Variants in SGCD observed in about 807,000 individuals in gnomAD.
SGCD encodes the protein sarcoglycan delta.
A neutral mutation model predicts 36.6 loss-of-function variants in SGCD; 18 were observed. The ratio of observed to expected loss-of-function variants is 0.49; its 90% CI spans 0.34 to 0.73. The LOEUF is 0.73. Among genes scored for constraint, SGCD ranks in the 30% least tolerant of loss-of-function variants. The pLI, the probability that SGCD is intolerant of heterozygous loss-of-function variation, is 0.01. For synonymous variants in SGCD, 133 were observed against 130.6 expected, an observed-to-expected ratio of 1.02 and a Z score of -0.12; for missense variants, 387 against 346.7, an observed-to-expected ratio of 1.12 and a Z score of -0.92.
the SGCD span, among the ~76,000 whole-genome samples, chr5:155,842,450 G>C: frequency 6.6e-6 from 1 of 151,998 alleles, no homozygotes; most frequent in African/African-American, 2.4e-5. Context: ...GTGCACACCT[G>C]TAATCCCAGC....
At chr5:156,128,061 A>G (rs1762223944) in intron 3 of SGCD, among the ~76,000 whole-genome samples, 1 of 152,118 alleles carries the variant, frequency 6.6e-6, no homozygotes, top group Non-Finnish European at 1.5e-5. Flanking sequence ...GATGGACCAC[A>G]GACTAGGAGA....
chr5:155,944,827 A>T (rs1401548688), intron 1 of SGCD, among the ~76,000 whole-genome samples: 1 of 152,084 alleles, frequency 6.6e-6, no homozygotes, highest in Non-Finnish European at 1.5e-5. Context: ...AACCTTTAGC[A>T]TATCTTTTTG....
At chr5:156,279,385 C>T (rs1415610801) in intron 3 of SGCD, among the ~76,000 whole-genome samples, 3 of 152,094 alleles carry the variant, frequency 2.0e-5, no homozygotes, top group Admixed American at 2.0e-4. Flanking sequence ...GTTAGCAAGC[C>T]TAACACTTAG....
chr5:155,978,164 T>A (rs557171609), intron 1 of SGCD, among the ~76,000 whole-genome samples: 1 of 152,350 alleles, frequency 6.6e-6, no homozygotes, highest in Non-Finnish European at 1.5e-5. Context: ...AAGACCAGAA[T>A]GTGGCATAGC....
chr5:156,313,667 A>T (rs1023452017), intron 3 of SGCD, among the ~76,000 whole-genome samples: 1 of 152,114 alleles, frequency 6.6e-6, no homozygotes, highest in Non-Finnish European at 1.5e-5. Context: ...GAGTCTTAAT[A>T]GCTGAAGGAG....
At chr5:156,727,141 G>T (rs777414432) in intron 7 of SGCD, among the ~76,000 whole-genome samples, 2 of 152,156 alleles carry the variant, frequency 1.3e-5, no homozygotes, top group African/African-American at 2.4e-5. Flanking sequence ...ACTGCAAGTT[G>T]GGAATGTACA....
At chr5:156,577,241 G>A (rs997535967) in intron 4 of SGCD, among the ~76,000 whole-genome samples, 1 of 151,994 alleles carries the variant, frequency 6.6e-6, no homozygotes, top group African/African-American at 2.4e-5. Context: ...TGTGTGGTGT[G>A]ATTTCTGAGG....
rs1581002336 is a variant in SGCD, at chr5:155,940,644, A to C, written c.-282+70220A>C. Among the ~76,000 whole-genome samples the C allele has an allele frequency of 2.0e-5, 3 of 152,108 alleles. No individual in the cohort carries two copies. The South Asian group carries it at 6.2e-4, about 32-fold the overall frequency. On this transcript the variant is annotated intron_variant, in intron 1 of 9. Coordinates refer to the SGCD transcript ENST00000517913. ...GTGGGTCACAAGTCAGGAGTTTGAG[A>C]CCAGCCTGGCCAATATGGTGAAACC...
rs543808632 is a variant in SGCD at position 156,017,875 on chromosome 5, T to TA, written c.-281-100000dup. Among the ~76,000 whole-genome samples the TA allele has an allele frequency of 8.0e-4, 122 of 152,306 alleles. 1 individual carries two copies. The highest frequency in any genetic ancestry group is 2.8e-3 in the African/African-American group (118 of 41,570). On this transcript the variant is annotated intron_variant, in intron 1 of 9. Transcript: ENST00000517913. Reference sequence around the variant, plus strand: ...TTCATATTGACATTTAAATTAATGTTAAAGTCAGATGCAGTGGCTCACTCC... The same window carrying TA: ...TTCATATTGACATTTAAATTAATGTTAAAAGTCAGATGCAGTGGCTCACTCC...
At chr5:156,267,261 GA>G (rs1766026356) in intron 3 of SGCD, among the ~76,000 whole-genome samples, 1 of 152,168 alleles carries the variant, frequency 6.6e-6, no homozygotes, top group Admixed American at 6.6e-5. Context: ...TTGAGACTGT[GA>G]AATTTACACT....
intron 3 of SGCD, among the ~76,000 whole-genome samples, chr5:156,202,544 C>A (rs544708467): frequency 1.2e-4 from 19 of 152,166 alleles, no homozygotes; most frequent in African/African-American, 4.3e-4. Context: ...CATAGAGAAG[C>A]ATTCATACTG....
chr5:156,230,065 C>T (rs1464001685), intron 3 of SGCD, among the ~76,000 whole-genome samples: 3 of 152,114 alleles, frequency 2.0e-5, no homozygotes, highest in African/African-American at 7.2e-5. Flanking sequence ...CTCTTCACTT[C>T]TTGTGTCTTT....
intron 4 of SGCD, among the ~76,000 whole-genome samples, chr5:156,544,015 A>G (rs1340121503): frequency 6.6e-6 from 1 of 152,204 alleles, no homozygotes; most frequent in Non-Finnish European, 1.5e-5. Context: ...GTGAAGAGGC[A>G]TTCTCTGAAT....
At chr5:156,273,407 A>AT (rs1163480071) in intron 3 of SGCD, among the ~76,000 whole-genome samples, 10 of 152,108 alleles carry the variant, frequency 6.6e-5, no homozygotes, top group African/African-American at 2.2e-4. Flanking sequence ...ATAGGGAGAG[A>AT]TTTTTTACAA....
At chr5:156,758,785 G>GAAA (rs140913292) in intron 8 of SGCD, among the ~76,000 whole-genome samples, 28 of 143,116 alleles carry the variant, frequency 2.0e-4, no homozygotes, top group African/African-American at 7.1e-4. Flanking sequence ...TAAATTGTTA[G>GAAA]AAAAAAAAAA....
At chr5:155,976,650 T>G (rs1758119043) in intron 1 of SGCD, among the ~76,000 whole-genome samples, 1 of 152,216 alleles carries the variant, frequency 6.6e-6, no homozygotes, top group African/African-American at 2.4e-5. Flanking sequence ...GTTTGGAATT[T>G]GTTCCCTTTG....
chr5:156,070,316 A>G (rs144385539), intron 1 of SGCD, among the ~76,000 whole-genome samples: 3,576 of 151,922 alleles, frequency 0.024, 147 homozygotes, highest in African/African-American at 0.082. Context: ...TCAATGCCGA[A>G]TTTATTGAGA....
chr5:156,384,093 T>C (rs1043163266), intron 3 of SGCD, among the ~76,000 whole-genome samples: 2 of 152,202 alleles, frequency 1.3e-5, no homozygotes, highest in Admixed American at 6.5e-5. Context: ...AAGGATATGC[T>C]GTTGAATCCA....
At chr5:155,979,850 C>T (rs568804696) in intron 1 of SGCD, among the ~76,000 whole-genome samples, 1 of 152,260 alleles carries the variant, frequency 6.6e-6, no homozygotes, top group African/African-American at 2.4e-5. Context: ...CTGGGGCTGG[C>T]TCAGATGATG....
Sources: allele counts gnomAD v4.1 joint callset (sites outside exome capture counted in the v4.1 genomes callset), GRCh38; gene constraint gnomAD v4.1.1; transcripts MANE v1.5; gene names NCBI Gene and HGNC (gene_info 2026-07-23, HGNC 2026-07-21).